PLCH1: variants seen among roughly 807,000 people sequenced by gnomAD.
The protein encoded by PLCH1 is phospholipase C eta 1.
PLCH1 carries 60 observed loss-of-function variants against 126.7 expected under a neutral mutation model. The ratio of observed to expected loss-of-function variants is 0.47; its 90% confidence interval spans 0.38 to 0.59. The LOEUF is 0.59. Among genes scored for constraint, PLCH1 ranks in the 20% least tolerant of loss-of-function variants. The pLI, the probability that PLCH1 is intolerant of heterozygous loss-of-function variation, is 0.00. For missense variants in PLCH1, 1,723 were observed against 2,040.0 expected (o/e 0.84, Z 2.99); for synonymous variants, 719 against 734.9 (o/e 0.98, Z 0.35).
chr3:155,516,789 G>T (rs1400078687), intron 11 of PLCH1, among the ~76,000 whole-genome samples: 1 of 152,012 alleles, frequency 6.6e-6, no homozygotes, highest in Non-Finnish European at 1.5e-5. Context: ...TTTCTGCTGT[G>T]CCAGGTGAGA....
At chr3:155,657,055 T>TA (rs1167390418) in intron 2 of PLCH1, among the ~76,000 whole-genome samples, 12,861 of 127,486 alleles carry the variant, frequency 0.1, 626 homozygotes, top group African/African-American at 0.12. Context: ...AGGACAAGTT[T>TA]AAAAAAAAAA....
At chr3:155,600,241 C>G (rs1476650572) in intron 2 of PLCH1, among the ~76,000 whole-genome samples, 3 of 152,126 alleles carry the variant, frequency 2.0e-5, no homozygotes, top group African/African-American at 7.2e-5. Context: ...CAAAAGTCAC[C>G]AACAATACAT....
intron 21 of PLCH1, among the ~76,000 whole-genome samples, chr3:155,461,481 A>C (rs554544975): frequency 6.6e-6 from 1 of 152,314 alleles, no homozygotes; most frequent in East Asian, 1.9e-4. Context: ...TATATGAAGA[A>C]AATGGTACTT....
intron 2 of PLCH1, among the ~76,000 whole-genome samples, chr3:155,661,068 A>G (rs1014448147): frequency 1.3e-5 from 2 of 152,214 alleles, no homozygotes; most frequent in African/African-American, 4.8e-5. Flanking sequence ...GACAGGAAAC[A>G]TTTCAAATAC....
intron 2 of PLCH1, among the ~76,000 whole-genome samples, chr3:155,672,161 G>GA (rs1743546766): frequency 1.3e-5 from 2 of 152,106 alleles, no homozygotes; most frequent in Admixed American, 6.6e-5. Flanking sequence ...CTGAAAGGGG[G>GA]AATCAATGTC....
In PLCH1 at chr3:155,638,979, C is replaced by A. The variant is rs147238276; in HGVS notation, c.80-42601G>T. ...TAGCTTAAATATATAACAGTTTCCC[C>A]CAAAAAGTAAACTGGACTTTATACT... On this transcript the variant is annotated intron_variant, in intron 2 of 22. Transcript: ENST00000460012. 3.0e-3 allele frequency among the ~76,000 whole-genome samples: 455 copies of A among 152,152 alleles called. 2 individuals are homozygous for A. Among genetic ancestry groups the A allele is most frequent in the South Asian group, 0.019 (93 of 4,818 alleles).
At chr3:155,515,629 T>C (rs1039060995) in intron 11 of PLCH1, among the ~76,000 whole-genome samples, 2 of 152,240 alleles carry the variant, frequency 1.3e-5, no homozygotes, top group African/African-American at 4.8e-5. Context: ...GAGGTGATCA[T>C]GGGATATAGA....
chr3:155,535,446 G>A (rs548942203), intron 10 of PLCH1, among the ~76,000 whole-genome samples: 1 of 152,182 alleles, frequency 6.6e-6, no homozygotes, highest in Non-Finnish European at 1.5e-5. Flanking sequence ...CTCGGTGCTG[G>A]TGGTGGGAAT....
intron 2 of PLCH1, among the ~76,000 whole-genome samples, chr3:155,691,172 T>C (rs780533205): frequency 1.3e-4 from 20 of 152,236 alleles, no homozygotes; most frequent in Non-Finnish European, 2.5e-4. Flanking sequence ...CTGACAAACC[T>C]AGGTTTGAAC....
Position 155,583,495 on chromosome 3 carries a change from G to C in PLCH1, c.748C>G (p.Gln250Glu). 1 of 1,605,588 alleles carries C rather than the reference G, an allele frequency of 6.2e-7. No homozygotes were observed. Among genetic ancestry groups the C allele is most frequent in the Non-Finnish European group, 8.5e-7 (1 of 1,177,404 alleles). ...ACCTTTTGCTCCACCTTCAAAAACT[G>C]AGCCAGTTCTTCCACAGTTAGGTGA... ...KDHLTVEELA[Q>E]FLKVEQKMNN... Residue 250 changes from glutamine (Q) to glutamate (E), a missense_variant, in exon 6 of 23, where the codon CAG becomes GAG. Transcript: ENST00000460012.
At chr3:155,698,767 A>G (rs1438248468) in intron 2 of PLCH1, among the ~76,000 whole-genome samples, 1 of 152,138 alleles carries the variant, frequency 6.6e-6, no homozygotes, top group African/African-American at 2.4e-5. Context: ...CCTCTGTCTA[A>G]ATCTTCACCA....
intron 1 of PLCH1, among the ~76,000 whole-genome samples, chr3:155,737,231 C>CAAAAAA (rs557369057): frequency 1.2e-4 from 7 of 59,540 alleles, no homozygotes; most frequent in Non-Finnish European, 1.6e-4. Flanking sequence ...GCCTCCGTCT[C>CAAAAAA]AAAAAAAAAA....
intron 10 of PLCH1, among the ~76,000 whole-genome samples, chr3:155,537,201 C>CAAAAAAAAAAAAAAA (rs1560128167): frequency 1.3e-4 from 17 of 132,106 alleles, no homozygotes; most frequent in African/African-American, 4.8e-4. Context: ...AAAAAAAAAA[C>CAAAAAAAAAAAAAAA]CAAAAAAAAA....
rs370321329 is a variant in PLCH1 at position 155,497,320 on chromosome 3, C to T, written c.1894G>A (p.Gly632Arg). 1.0e-5 allele frequency: 16 copies of T among 1,586,830 alleles called. No individual in the cohort carries two copies. The highest frequency in any genetic ancestry group is 2.2e-5 in the East Asian group (1 of 44,738). Residue 632 changes from glycine to arginine, a missense_variant and splice_region_variant, in exon 15 of 23, where the codon GGA (glycine) becomes AGA (arginine). Gly to Arg is a moderately radical substitution (Grantham distance 125). This residue lies in a region of PLCH1 where 776 missense variants were observed against 1,062.9 expected (regional missense o/e 0.73). Coordinates refer to ENST00000460012, the MANE Select transcript of PLCH1 (RefSeq NM_014996.4). ...GAATGAGAAAACTCTCCATCCTTAC[C>T]GTCATCCACAATGTCCTGAGCGGCC... is the stretch of plus-strand genomic sequence containing the variant. ...SVAAQDIVDD[G>R]TTGNVLSFSE...
intron 2 of PLCH1, among the ~76,000 whole-genome samples, chr3:155,688,133 A>G (rs1328569088): frequency 6.6e-6 from 1 of 152,216 alleles, no homozygotes; most frequent in African/African-American, 2.4e-5. Flanking sequence ...CCTGTCTCAT[A>G]CAGCCCTGCT....
At chr3:155,638,112 T>C (rs1171988316) in intron 2 of PLCH1, among the ~76,000 whole-genome samples, 2 of 152,252 alleles carry the variant, frequency 1.3e-5, no homozygotes, top group Non-Finnish European at 2.9e-5. Context: ...TATTTCACAA[T>C]GGTTATCATG....
At chr3:155,692,879 CCTCAGAATAG>C (rs1424901578) in intron 2 of PLCH1, among the ~76,000 whole-genome samples, 5 of 152,028 alleles carry the variant, frequency 3.3e-5, no homozygotes, top group African/African-American at 1.2e-4. Context: ...GCCTCAGCCT[CCTCAGAATAG>C]CTGGGATCTC....
intron 10 of PLCH1, among the ~76,000 whole-genome samples, chr3:155,549,317 G>C (rs538844707): frequency 6.6e-6 from 1 of 152,286 alleles, no homozygotes; most frequent in African/African-American, 2.4e-5. Flanking sequence ...CCTCTTTGAA[G>C]TGAGCTCTTC....
intron 21 of PLCH1, among the ~76,000 whole-genome samples, chr3:155,486,513 GTT>G (rs397733786): frequency 4.2e-4 from 43 of 102,010 alleles, no homozygotes; most frequent in African/African-American, 9.1e-4. Context: ...GCTCAAGTTT[GTT>G]TTTTTTTTTT....
Sources: gnomAD v4.1 joint callset for allele counts (sites outside exome capture counted in the v4.1 genomes callset) on GRCh38, gnomAD v4.1.1 for gene constraint, gnomAD v4.1.1 regional missense constraint, MANE v1.5 for transcripts, NCBI Gene and HGNC (gene_info 2026-07-23, HGNC 2026-07-21) for gene names.